The following PCP4L1 variants were observed in gnomAD, a reference collection of about 807,000 sequenced individuals.
The protein encoded by PCP4L1 is Purkinje cell protein 4 like 1.
A neutral mutation model predicts 9.6 loss-of-function variants in PCP4L1; 9 were observed. The ratio of observed to expected loss-of-function variants is 0.94; its 90% CI spans 0.57 to 1.64. The LOEUF (loss-of-function observed/expected upper bound fraction) is 1.64, where lower values mean the gene tolerates loss of function less well. PCP4L1 is among the 40% of genes most tolerant of loss of function. PCP4L1 has a pLI of 0.00. For synonymous variants in PCP4L1, 31 were observed against 28.2 expected (o/e 1.10, Z -0.31); for missense variants, 81 against 80.8 (o/e 1.00, Z -0.01).
chr1:161,280,111 C>G (rs1433687997), intron 1 of PCP4L1, among the ~76,000 whole-genome samples: 1 of 152,190 alleles, frequency 6.6e-6, no homozygotes, highest in Non-Finnish European at 1.5e-5. Flanking sequence ...CATTTACTCT[C>G]CTACTTGCCT....
At chr1:161,263,643 A>G (rs958801612) in intron 1 of PCP4L1, among the ~76,000 whole-genome samples, 3 of 149,562 alleles carry the variant, frequency 2.0e-5, no homozygotes, top group Admixed American at 6.7e-5. Flanking sequence ...GTACAGTGGC[A>G]TGATCATGGC....
chr1:161,282,134 C>G (rs1010312640), intron 1 of PCP4L1, among the ~76,000 whole-genome samples: 104 of 152,250 alleles, frequency 6.8e-4, no homozygotes, highest in Admixed American at 5.2e-3. Flanking sequence ...TCTGCAATCC[C>G]GGCACCTCGG....
chr1:161,282,413 A>AGGGAGG (rs972568691), intron 1 of PCP4L1, among the ~76,000 whole-genome samples: 3 of 47,720 alleles, frequency 6.3e-5, no homozygotes, highest in East Asian at 6.1e-4. Flanking sequence ...GGAGAGGGAG[A>AGGGAGG]GGGAGGGGGA....
chr1:161,261,903 C>T (rs1669424346), intron 1 of PCP4L1, among the ~76,000 whole-genome samples: 1 of 145,440 alleles, frequency 6.9e-6, no homozygotes, highest in Non-Finnish European at 1.5e-5. Context: ...TGGGATATCA[C>T]ACTTTGGAGA....
At chr1:161,262,209 T>C (rs1669428183) in intron 1 of PCP4L1, among the ~76,000 whole-genome samples, 1 of 151,792 alleles carries the variant, frequency 6.6e-6, no homozygotes, top group Non-Finnish European at 1.5e-5. Flanking sequence ...CCAAGGTGGG[T>C]GGATCATGAG....
At chr1:161,278,412 C>T (rs546785203) in intron 1 of PCP4L1, among the ~76,000 whole-genome samples, 3 of 150,524 alleles carry the variant, frequency 2.0e-5, no homozygotes, top group Non-Finnish European at 3.0e-5. Flanking sequence ...TCCTTCTTTC[C>T]TTCCTTCCTT....
intron 1 of PCP4L1, 115 bp downstream of exon 1, chr1:161,259,098 C>T: frequency 2.9e-6 from 4 of 1,394,748 alleles, no homozygotes; most frequent in Non-Finnish European, 3.8e-6. Flanking sequence ...GAAGAACCCT[C>T]CAGGGGCGCC....
Position 161,283,659 on chromosome 1 carries a change from T to G in PCP4L1, c.10-9T>G. ...ATCTAATATTCTGATATCCTAATAT[T>G]TTTTCCAGCTTAATACCAAAACATC... On this transcript the variant is annotated splice_polypyrimidine_tract_variant and intron_variant, in intron 1 of 2. Coordinates refer to ENST00000504449, the MANE Select transcript of PCP4L1 (RefSeq NM_001102566.2). 1 of 1,588,678 alleles carries G rather than the reference T, an allele frequency of 6.3e-7. No individual in the cohort carries two copies. Among genetic ancestry groups the G allele is most frequent in the Non-Finnish European group, 8.6e-7 (1 of 1,166,350 alleles).
chr1:161,279,058 C>T (rs1018350228), intron 1 of PCP4L1, among the ~76,000 whole-genome samples: 1 of 152,224 alleles, frequency 6.6e-6, no homozygotes, highest in Non-Finnish European at 1.5e-5. Context: ...GCTGAGATTA[C>T]AGGCATGAGC....
At chr1:161,262,779 G>C (rs1272632273) in intron 1 of PCP4L1, among the ~76,000 whole-genome samples, 1 of 152,224 alleles carries the variant, frequency 6.6e-6, no homozygotes, top group Non-Finnish European at 1.5e-5. Context: ...GATGGAAGTG[G>C]TGGAGATAGA....
At chr1:161,260,838 A>G (rs1307233415) in intron 1 of PCP4L1, among the ~76,000 whole-genome samples, 1 of 152,172 alleles carries the variant, frequency 6.6e-6, no homozygotes, top group Non-Finnish European at 1.5e-5. Flanking sequence ...CTCCTAGGCT[A>G]TCAGAGCAAA....
At chr1:161,265,138 G>A (rs985916305) in intron 1 of PCP4L1, among the ~76,000 whole-genome samples, 9 of 152,174 alleles carry the variant, frequency 5.9e-5, no homozygotes, top group Non-Finnish European at 1.2e-4. Flanking sequence ...AGGTGTCTAA[G>A]TAAAATTGGT....
chr1:161,259,546 C>T (rs1003097619), intron 1 of PCP4L1, among the ~76,000 whole-genome samples: 8 of 152,158 alleles, frequency 5.3e-5, no homozygotes, highest in Admixed American at 5.2e-4. Context: ...GGGAGATTTC[C>T]CCTTCAAGAA....
At chr1:161,265,624 G>A (rs185172787) in intron 1 of PCP4L1, among the ~76,000 whole-genome samples, 14 of 152,004 alleles carry the variant, frequency 9.2e-5, no homozygotes, top group Admixed American at 9.2e-4. Flanking sequence ...CATCCTGAGT[G>A]CATGATTTTC....
chr1:161,266,613 C>T (rs905262558), intron 1 of PCP4L1, among the ~76,000 whole-genome samples: 17 of 152,034 alleles, frequency 1.1e-4, no homozygotes, highest in Admixed American at 4.6e-4. Context: ...GAGAATCAGA[C>T]AAGGGGGCTT....
intron 1 of PCP4L1, among the ~76,000 whole-genome samples, chr1:161,264,655 C>T (rs1669499933): frequency 6.6e-6 from 1 of 152,036 alleles, no homozygotes; most frequent in African/African-American, 2.4e-5. Context: ...ATGACAAAAC[C>T]CTGTCTCTAC....
At chr1:161,281,641 C>T (rs1346130971) in intron 1 of PCP4L1, among the ~76,000 whole-genome samples, 1 of 151,160 alleles carries the variant, frequency 6.6e-6, no homozygotes, top group Non-Finnish European at 1.5e-5. Flanking sequence ...GGGGTGGCTG[C>T]CGGGCAGAGA....
chr1:161,278,078 G>GT (rs34750401), intron 1 of PCP4L1, among the ~76,000 whole-genome samples: 1 of 151,962 alleles, frequency 6.6e-6, no homozygotes, highest in African/African-American at 2.4e-5. Flanking sequence ...TGTATCATCA[G>GT]TTTTTTTCTT....
At position 161,283,851 on chromosome 1, in the gene PCP4L1, T is replaced by C. The variant is rs539130203; in HGVS notation, c.64+129T>C. 1.0e-4 allele frequency: 96 copies of C among 960,896 alleles called. No individual in the cohort carries two copies. In the African/African-American group the frequency reaches 1.5e-3, roughly 15 times the overall value. 59.5% of individuals were successfully genotyped at this position (960,896 alleles called of 1,614,324 possible). On this transcript the variant is annotated intron_variant, in intron 2 of 2. Coordinates refer to ENST00000504449, the MANE Select transcript of PCP4L1 (RefSeq NM_001102566.2). ...AAGAATGTGGATAAGTGAAACAAAG[T>C]ACCAGTTTGGAACTACAGTACTATA...
Sources: allele counts gnomAD v4.1 joint callset (sites outside exome capture counted in the v4.1 genomes callset), GRCh38; gene constraint gnomAD v4.1.1; transcripts MANE v1.5; gene names NCBI Gene and HGNC (gene_info 2026-07-23, HGNC 2026-07-21).